Variants in C6 observed in about 807,000 individuals in gnomAD.
C6 encodes the protein complement C6.
A neutral mutation model predicts 112.9 loss-of-function variants in C6; 101 were observed. That is an observed-to-expected ratio of 0.89 (90% confidence interval 0.76 to 1.06). C6 has a LOEUF of 1.06. Among genes scored for constraint, C6 ranks in the 50% least tolerant of loss-of-function variants. The pLI is 0.00. For synonymous variants in C6, 431 were observed against 384.1 expected (o/e 1.12, Z -1.43); for missense variants, 1,202 against 1,104.6 (o/e 1.09, Z -1.25).
chr5:41,180,962 T>G (rs576217361), intron 7 of C6, among the ~76,000 whole-genome samples: 1 of 152,018 alleles, frequency 6.6e-6, no homozygotes, highest in Non-Finnish European at 1.5e-5. Context: ...TGTTATATTT[T>G]ATATATGTAT....
intron 9 of C6, among the ~76,000 whole-genome samples, chr5:41,171,410 G>C (rs144285469): frequency 1.3e-5 from 2 of 152,264 alleles, no homozygotes; most frequent in Admixed American, 6.5e-5. Flanking sequence ...CTTCACAACA[G>C]TCCTACTGGG....
rs759979977 is a variant in C6 at position 41,172,239 on chromosome 5, G to A, written c.1277C>T (p.Ser426Leu). ...AGTACTGTTACCTTCATGTTTCTCT[G>A]ACAGCTTGTTGGTGGTGCACCTATG... is the stretch of plus-strand genomic sequence containing the variant. ...VEHRCTTNKL[S>L]EKHEGSFIQG... Residue 426 changes from serine to leucine, a missense_variant, in exon 9 of 18, where the codon TCA becomes TTA. By Grantham distance (145) the Ser-to-Leu change is moderately radical. Coordinates refer to ENST00000337836, the MANE Select transcript of C6 (RefSeq NM_000065.5). 8 of 1,613,756 alleles carry A rather than the reference G, an allele frequency of 5.0e-6. No homozygotes were observed. Among genetic ancestry groups the A allele is most frequent in the Non-Finnish European group, 5.9e-6 (7 of 1,179,760 alleles).
At chr5:41,242,371 TC>T (rs1481774698) in intron 1 of C6, among the ~76,000 whole-genome samples, 1 of 152,190 alleles carries the variant, frequency 6.6e-6, no homozygotes, top group African/African-American at 2.4e-5. Flanking sequence ...TGCCTGCCTC[TC>T]CTTTGCCTTC....
intron 1 of C6, among the ~76,000 whole-genome samples, chr5:41,205,636 C>A (rs980263895): frequency 2.6e-5 from 4 of 152,234 alleles, no homozygotes; most frequent in Non-Finnish European, 5.9e-5. Flanking sequence ...GCACAGCAGT[C>A]TGAGATCAAA....
chr5:41,246,299 G>C (rs1741017658), intron 1 of C6, among the ~76,000 whole-genome samples: 1 of 152,086 alleles, frequency 6.6e-6, no homozygotes, highest in Non-Finnish European at 1.5e-5. Flanking sequence ...GATGCCTCCA[G>C]GTTAAAAGCT....
chr5:41,185,174 C>T (rs957531799), intron 6 of C6, among the ~76,000 whole-genome samples: 16 of 152,086 alleles, frequency 1.1e-4, no homozygotes, highest in Non-Finnish European at 2.9e-5. Flanking sequence ...ATCAGTCTTC[C>T]CAGAGGTATT....
intron 1 of C6, among the ~76,000 whole-genome samples, chr5:41,236,078 T>G (rs1387230661): frequency 4.7e-5 from 3 of 64,052 alleles, no homozygotes; most frequent in Admixed American, 2.1e-4. Context: ...GCTCTTTAGT[T>G]TAATTAGATC....
intron 9 of C6, 25 bp downstream of exon 9, chr5:41,172,200 A>T: frequency 6.2e-7 from 1 of 1,613,088 alleles, no homozygotes; most frequent in South Asian, 1.1e-5. Flanking sequence ...ACACTGGATA[A>T]GCTGCTAAGA....
At chr5:41,245,078 T>C (rs114727839) in intron 1 of C6, among the ~76,000 whole-genome samples, 9,623 of 152,270 alleles carry the variant, frequency 0.063, 375 homozygotes, top group Middle Eastern at 0.088. Context: ...TATTTTTGTA[T>C]CTATTTTCAT....
At position 41,212,361 on chromosome 5, in the gene C6, A is replaced by T. The variant is rs113445022; in HGVS notation, c.-21+1015T>A. Among the ~76,000 whole-genome samples, 310 of 152,072 alleles carry T rather than the reference A, an allele frequency of 2.0e-3. 3 individuals are homozygous for T. Among genetic ancestry groups the T allele is most frequent in the African/African-American group, 6.9e-3 (286 of 41,488 alleles). Reference sequence around the variant, plus strand: ...TTTTTAGTGAACTCGGGGTTTCACCATTTTGGTCAGGCTCGTCTTGAACTC... The same window carrying T: ...TTTTTAGTGAACTCGGGGTTTCACCTTTTTGGTCAGGCTCGTCTTGAACTC... On this transcript the variant is annotated intron_variant, in intron 1 of 17. Transcript: ENST00000337836.
Position 41,143,042 on chromosome 5 carries a change from A to G in C6, c.2624-36T>C, listed in dbSNP as rs531107579. ...AGAGAGAGAGACAGTGTGACTTACC[A>G]CAGTACATTAGGGTTTGGCTTTATC... On this transcript the variant is annotated intron_variant, in intron 17 of 17. Transcript: ENST00000337836. The G allele has an allele frequency of 1.9e-5, 30 of 1,586,598 alleles. No homozygotes were observed. In the Admixed American group the frequency reaches 3.3e-4, roughly 18 times the overall value.
At chr5:41,148,295 T>G (rs1746038199) in intron 17 of C6, among the ~76,000 whole-genome samples, 1 of 152,202 alleles carries the variant, frequency 6.6e-6, no homozygotes, top group African/African-American at 2.4e-5. Flanking sequence ...ATAATATATG[T>G]TGACATGGAA....
In C6 at chr5:41,142,412, C is replaced by G. The variant is rs1745435617; in HGVS notation, c.*413G>C. The G allele has an allele frequency of 9.5e-6, 2 of 210,174 alleles. No individual in the cohort carries two copies. The highest frequency in any genetic ancestry group is 2.0e-5 in the Non-Finnish European group (2 of 101,198). 13.0% of individuals were successfully genotyped at this position (210,174 alleles called of 1,614,324 possible). ...TATTTGTTGAATGAAGATATGAAAG[C>G]TGGGCTTCAAGAATGTGTTTCAGAG... On this transcript the variant is annotated 3_prime_UTR_variant, in exon 18 of 18. Coordinates refer to ENST00000337836, the MANE Select transcript of C6 (RefSeq NM_000065.5).
intron 1 of C6, among the ~76,000 whole-genome samples, chr5:41,220,500 G>T (rs1739096832): frequency 6.6e-6 from 1 of 152,008 alleles, no homozygotes; most frequent in Non-Finnish European, 1.5e-5. Flanking sequence ...CTAACGTTTT[G>T]TGTGTAATCA....
chr5:41,255,217 C>G (rs113812224), intron 1 of C6, among the ~76,000 whole-genome samples: 1 of 151,776 alleles, frequency 6.6e-6, no homozygotes, highest in African/African-American at 2.4e-5. Flanking sequence ...AAAAATTAGG[C>G]GGGCATGGTG....
chr5:41,232,671 T>C (rs1220985275), intron 1 of C6, among the ~76,000 whole-genome samples: 3 of 152,040 alleles, frequency 2.0e-5, no homozygotes, highest in African/African-American at 7.2e-5. Context: ...AAATTTTAAG[T>C]CATTCATGAT....
At chr5:41,154,560 G>A (rs986287195) in intron 14 of C6, among the ~76,000 whole-genome samples, 22 of 152,160 alleles carry the variant, frequency 1.4e-4, no homozygotes, top group African/African-American at 5.3e-4. Context: ...CGAAAACTAC[G>A]TCTTACACAA....
intron 17 of C6, among the ~76,000 whole-genome samples, chr5:41,144,489 A>G (rs1255022481): frequency 6.6e-6 from 1 of 151,226 alleles, no homozygotes; most frequent in Non-Finnish European, 1.5e-5. Context: ...CTAGTCTCAA[A>G]CTCCTGAGCT....
intron 5 of C6, chr5:41,186,425 C>A: frequency 1.8e-6 from 1 of 561,272 alleles, no homozygotes; most frequent in Non-Finnish European, 3.2e-6. Flanking sequence ...CTATTAGGTT[C>A]TCCTATTCCA....
Sources: gnomAD v4.1 joint callset for allele counts (sites outside exome capture counted in the v4.1 genomes callset) on GRCh38, gnomAD v4.1.1 for gene constraint, MANE v1.5 for transcripts, NCBI Gene and HGNC (gene_info 2026-07-23, HGNC 2026-07-21) for gene names.